CELF4: variants seen among roughly 807,000 people sequenced by gnomAD.
CELF4 encodes the protein CUGBP Elav-like family member 4, also known as CUG-BP- and ETR-3-like factor 4.
CELF4 carries 18 observed loss-of-function variants against 59.9 expected under a neutral mutation model. The ratio of observed to expected loss-of-function variants is 0.30; its 90% confidence interval spans 0.21 to 0.45. The LOEUF (loss-of-function observed/expected upper bound fraction) is 0.45, where lower values mean the gene tolerates loss of function less well. Among genes scored for constraint, CELF4 ranks in the 20% least tolerant of loss-of-function variants. The probability of loss-of-function intolerance (pLI) is 1.00; values close to 1 mark genes in which losing one functional copy is unlikely to be tolerated. For synonymous variants in CELF4, 261 were observed against 267.1 expected (o/e 0.98, Z 0.22); for missense variants, 456 against 689.0 (o/e 0.66, Z 3.79).
intron 2 of CELF4, among the ~76,000 whole-genome samples, chr18:37,332,888 A>C (rs2097594484): frequency 6.6e-6 from 1 of 152,184 alleles, no homozygotes; most frequent in Non-Finnish European, 1.5e-5. Flanking sequence ...CTTTGTCTCC[A>C]AGCCCCACGT....
At chr18:37,368,617 T>C (rs1036245131) in intron 2 of CELF4, among the ~76,000 whole-genome samples, 9 of 152,252 alleles carry the variant, frequency 5.9e-5, no homozygotes, top group African/African-American at 1.9e-4. Context: ...TTCTCTGTGT[T>C]GGCAGTGAGC....
At chr18:37,563,703 T>C (rs2099987267) in intron 1 of CELF4, among the ~76,000 whole-genome samples, 1 of 152,186 alleles carries the variant, frequency 6.6e-6, no homozygotes, top group Non-Finnish European at 1.5e-5. Flanking sequence ...GGTTGCCTTC[T>C]CTCTCCATTA....
At chr18:37,281,927 G>A (rs1478690961) in intron 3 of CELF4, among the ~76,000 whole-genome samples, 1 of 152,154 alleles carries the variant, frequency 6.6e-6, no homozygotes, top group Non-Finnish European at 1.5e-5. Flanking sequence ...AGGACCTTCA[G>A]TAGCAAGGGA....
intron 2 of CELF4, among the ~76,000 whole-genome samples, chr18:37,361,202 C>T (rs1467526214): frequency 2.0e-5 from 3 of 152,076 alleles, no homozygotes; most frequent in Non-Finnish European, 2.9e-5. Context: ...GCATTTTCTG[C>T]CCTGGATCTG....
chr18:37,327,183 C>T (rs1335674783), intron 2 of CELF4, among the ~76,000 whole-genome samples: 1 of 152,264 alleles, frequency 6.6e-6, no homozygotes, highest in Non-Finnish European at 1.5e-5. Context: ...CTTCCCCTGC[C>T]TCCTCTTGCA....
At chr18:37,358,998 G>A (rs1315289325) in intron 2 of CELF4, among the ~76,000 whole-genome samples, 1 of 152,204 alleles carries the variant, frequency 6.6e-6, no homozygotes, top group South Asian at 2.1e-4. Context: ...CTACTTGGGA[G>A]GCTGAGGCAG....
intron 10 of CELF4, among the ~76,000 whole-genome samples, chr18:37,264,374 A>T (rs1435351269): frequency 6.6e-6 from 1 of 152,236 alleles, no homozygotes. Flanking sequence ...GCAATGATTG[A>T]GGGGAGTAGG....
In CELF4 at chr18:37,358,677, G is replaced by A. The variant is rs144667977; in HGVS notation, c.370-36796C>T. Among the ~76,000 whole-genome samples the A allele has an allele frequency of 2.0e-5, 3 of 152,336 alleles. No individual in the cohort carries two copies. In the East Asian group the frequency reaches 5.8e-4, roughly 29 times the overall value. On this transcript the variant is annotated intron_variant, in intron 2 of 12. Coordinates refer to ENST00000420428, the MANE Select transcript of CELF4 (RefSeq NM_020180.4). ...TTGCTCAAGGTTGGCACAGGAGCAG[G>A]ATGCAGGCGCATGCATGAAAGCGCG... is the stretch of plus-strand genomic sequence containing the variant.
chr18:37,470,851 T>A (rs1348420387), intron 2 of CELF4, among the ~76,000 whole-genome samples: 22 of 88,268 alleles, frequency 2.5e-4, no homozygotes, highest in African/African-American at 9.7e-4. Flanking sequence ...TGTGTGTGTG[T>A]GTGTGTGTGT....
chr18:37,286,523 C>T (rs1191085643), intron 3 of CELF4, among the ~76,000 whole-genome samples: 1 of 152,210 alleles, frequency 6.6e-6, no homozygotes, highest in African/African-American at 2.4e-5. Context: ...CAGTGAAAAA[C>T]TCAGTGCTGG....
chr18:37,272,277 C>T (rs957782000), intron 7 of CELF4, among the ~76,000 whole-genome samples: 7 of 152,140 alleles, frequency 4.6e-5, no homozygotes, highest in African/African-American at 1.2e-4. Flanking sequence ...ACTGTAGGAT[C>T]ATACAGCAAT....
intron 2 of CELF4, among the ~76,000 whole-genome samples, chr18:37,440,632 G>A (rs2099709685): frequency 6.6e-6 from 1 of 152,174 alleles, no homozygotes; most frequent in African/African-American, 2.4e-5. Flanking sequence ...AATGGCACCG[G>A]TTCAATTTAA....
At chr18:37,352,933 C>T (rs954231896) in intron 2 of CELF4, among the ~76,000 whole-genome samples, 10 of 152,194 alleles carry the variant, frequency 6.6e-5, no homozygotes, top group Admixed American at 4.6e-4. Context: ...AACAAGAACC[C>T]TTTCTTGGCC....
chr18:37,532,309 T>A (rs1371699337), intron 1 of CELF4, among the ~76,000 whole-genome samples: 1 of 152,218 alleles, frequency 6.6e-6, no homozygotes, highest in Non-Finnish European at 1.5e-5. Flanking sequence ...TGCGTGTTCC[T>A]GTGGCAGTTT....
chr18:37,560,942 T>C (rs1242631047), intron 1 of CELF4, among the ~76,000 whole-genome samples: 1 of 152,242 alleles, frequency 6.6e-6, no homozygotes, highest in Non-Finnish European at 1.5e-5. Context: ...GCAAAACATA[T>C]TCATATCCCC....
chr18:37,388,829 C>A (rs894915990), intron 2 of CELF4, among the ~76,000 whole-genome samples: 1 of 152,130 alleles, frequency 6.6e-6, no homozygotes, highest in Non-Finnish European at 1.5e-5. Context: ...GCACCTCAGC[C>A]CTTGTCACCC....
At chr18:37,340,475 G>A (rs545512429) in intron 2 of CELF4, among the ~76,000 whole-genome samples, 1 of 152,350 alleles carries the variant, frequency 6.6e-6, no homozygotes, top group Non-Finnish European at 1.5e-5. Flanking sequence ...ATGAGCCTGG[G>A]ACAGGAAGAA....
intron 1 of CELF4, among the ~76,000 whole-genome samples, chr18:37,555,407 CCT>C (rs886709263): frequency 3.3e-5 from 5 of 152,204 alleles, no homozygotes; most frequent in Admixed American, 1.3e-4. Context: ...CTCAGGGACG[CCT>C]CTGTTTCCCC....
At chr18:37,467,495 G>C (rs2099811879) in intron 2 of CELF4, among the ~76,000 whole-genome samples, 2 of 152,174 alleles carry the variant, frequency 1.3e-5, no homozygotes, top group Admixed American at 1.3e-4. Flanking sequence ...AAGTCGGGCA[G>C]AGTCAATGGC....
Sources: allele counts gnomAD v4.1 joint callset (sites outside exome capture counted in the v4.1 genomes callset), GRCh38; gene constraint gnomAD v4.1.1; transcripts MANE v1.5; gene names NCBI Gene and HGNC (gene_info 2026-07-23, HGNC 2026-07-21).